ATRNL1: variants seen among roughly 807,000 people sequenced by gnomAD.
ATRNL1 encodes the protein attractin-like protein 1.
A neutral mutation model predicts 182.7 loss-of-function variants in ATRNL1; 95 were observed. That is an observed-to-expected ratio of 0.52 (90% confidence interval 0.44 to 0.62). The LOEUF is 0.62. Among genes scored for constraint, ATRNL1 ranks in the 20% least tolerant of loss-of-function variants. The pLI, the probability that ATRNL1 is intolerant of heterozygous loss-of-function variation, is 0.00. For missense variants in ATRNL1, 1,471 were observed against 1,679.5 expected, an observed-to-expected ratio of 0.88 and a Z score of 2.17; for synonymous variants, 576 against 568.3, an observed-to-expected ratio of 1.01 and a Z score of -0.19.
At chr10:115,438,673 C>A (rs1264404033) in intron 21 of ATRNL1, among the ~76,000 whole-genome samples, 1 of 151,852 alleles carries the variant, frequency 6.6e-6, no homozygotes, top group African/African-American at 2.4e-5. Context: ...TGCACTACGG[C>A]TGCTAGACCA....
intron 5 of ATRNL1, among the ~76,000 whole-genome samples, chr10:115,152,373 T>G (rs1554880901): frequency 6.6e-6 from 1 of 152,216 alleles, no homozygotes; most frequent in East Asian, 1.9e-4. Flanking sequence ...CATTTGTTTG[T>G]GTCCTCTTTT....
chr10:115,311,612 T>C (rs1451672113), intron 17 of ATRNL1, among the ~76,000 whole-genome samples: 1 of 152,210 alleles, frequency 6.6e-6, no homozygotes, highest in Admixed American at 6.5e-5. Flanking sequence ...AATGTTCTGT[T>C]AATATCTGTT....
rs1214533310 is a variant in ATRNL1 at position 115,309,730 on chromosome 10, G to GTATACAGTATAAAATTT, written c.2819-5773_2819-5772insTTTATACAGTATAAAAT. Among the ~76,000 whole-genome samples the GTATACAGTATAAAATTT allele has an allele frequency of 7.2e-5, 11 of 152,014 alleles. 1 individual carries two copies. In the South Asian group the frequency reaches 2.3e-3, roughly 32 times the overall value. On this transcript the variant is annotated intron_variant, in intron 17 of 28. Coordinates refer to ENST00000355044, the MANE Select transcript of ATRNL1 (RefSeq NM_207303.4). ...TATCAAAGTCTTTAGGGTTTTCTAGGTATACAGTATAAAATCACTTCATAG... is the reference window on the plus strand; with the variant it reads ...TATCAAAGTCTTTAGGGTTTTCTAGGTATACAGTATAAAATTTTATACAGTATAAAATCACTTCATAG...
chr10:115,304,695 T>A (rs1853640318), intron 17 of ATRNL1, among the ~76,000 whole-genome samples: 1 of 152,096 alleles, frequency 6.6e-6, no homozygotes, highest in African/African-American at 2.4e-5. Flanking sequence ...GGAAAAAAAC[T>A]GGCCTTCCCA....
intron 8 of ATRNL1, among the ~76,000 whole-genome samples, chr10:115,194,738 T>C (rs568651022): frequency 2.0e-5 from 3 of 152,106 alleles, no homozygotes; most frequent in South Asian, 4.1e-4. Flanking sequence ...TTGTTGTTTG[T>C]TTTCTGGTCA....
chr10:115,541,739 AT>A (rs1852372324), intron 25 of ATRNL1, among the ~76,000 whole-genome samples: 1 of 152,230 alleles, frequency 6.6e-6, no homozygotes, highest in South Asian at 2.1e-4. Flanking sequence ...AACAAAAAAA[AT>A]ACTATAGTGT....
At chr10:115,885,300 T>G (rs17093701) in intron 28 of ATRNL1, among the ~76,000 whole-genome samples, 3,709 of 152,320 alleles carry the variant, frequency 0.024, 137 homozygotes, top group African/African-American at 0.083. Context: ...TGTTAGCTCC[T>G]TGAAGGTGGG....
intron 7 of ATRNL1, among the ~76,000 whole-genome samples, chr10:115,166,367 G>C (rs1847040915): frequency 6.6e-6 from 1 of 151,816 alleles, no homozygotes; most frequent in African/African-American, 2.4e-5. Context: ...CTATGAACAT[G>C]TGTGTACAAC....
At chr10:115,209,678 A>G (rs1848945554) in intron 8 of ATRNL1, among the ~76,000 whole-genome samples, 1 of 151,868 alleles carries the variant, frequency 6.6e-6, no homozygotes, top group South Asian at 2.1e-4. Context: ...CCAAATTGAA[A>G]AAAAATTCAC....
intron 26 of ATRNL1, among the ~76,000 whole-genome samples, chr10:115,676,406 T>A (rs2133939874): frequency 6.6e-6 from 1 of 152,216 alleles, no homozygotes; most frequent in Non-Finnish European, 1.5e-5. Flanking sequence ...AATACATGTC[T>A]TATATGCAAA....
intron 5 of ATRNL1, among the ~76,000 whole-genome samples, chr10:115,149,143 C>G (rs922670097): frequency 5.3e-5 from 8 of 152,068 alleles, no homozygotes; most frequent in Non-Finnish European, 7.3e-5. Flanking sequence ...AAGAGGCTGG[C>G]CATCCCACCC....
At position 115,161,420 on chromosome 10, in the gene ATRNL1, A is replaced by T. The variant is rs1846777195; in HGVS notation, c.1004+1206A>T. On this transcript the variant is annotated intron_variant, in intron 6 of 28. Coordinates refer to ENST00000355044, the MANE Select transcript of ATRNL1 (RefSeq NM_207303.4). Reference sequence around the variant, plus strand: ...AAGATAAAAACCTGGAGAAATAATGATATTTAAATGTGAAAATTAAAAGGA... The same window carrying T: ...AAGATAAAAACCTGGAGAAATAATGTTATTTAAATGTGAAAATTAAAAGGA... Among the ~76,000 whole-genome samples, 4 of 152,020 alleles carry T rather than the reference A, an allele frequency of 2.6e-5. No homozygotes were observed. The South Asian group carries it at 6.2e-4, about 24-fold the overall frequency.
At chr10:115,887,829 C>T (rs1951986054) in intron 28 of ATRNL1, among the ~76,000 whole-genome samples, 1 of 152,012 alleles carries the variant, frequency 6.6e-6, no homozygotes. Flanking sequence ...TATTTTTTCA[C>T]TCTCTCTCCA....
At chr10:115,561,018 T>C (rs1853672447) in intron 26 of ATRNL1, among the ~76,000 whole-genome samples, 2 of 152,120 alleles carry the variant, frequency 1.3e-5, no homozygotes, top group Non-Finnish European at 1.5e-5. Flanking sequence ...TAGGAATCGA[T>C]ACACCAATAT....
chr10:115,450,781 A>C (rs1300571646), intron 21 of ATRNL1, among the ~76,000 whole-genome samples: 3 of 152,180 alleles, frequency 2.0e-5, no homozygotes, highest in Non-Finnish European at 4.4e-5. Context: ...ACTATTTTAA[A>C]CTTCATATGG....
intron 27 of ATRNL1, among the ~76,000 whole-genome samples, chr10:115,739,217 G>T (rs1555067003): frequency 6.6e-6 from 1 of 152,078 alleles, no homozygotes; most frequent in African/African-American, 2.4e-5. Flanking sequence ...ATTCATACTG[G>T]CTGCCATTCA....
intron 20 of ATRNL1, among the ~76,000 whole-genome samples, chr10:115,413,318 T>C (rs1193612872): frequency 1.3e-5 from 2 of 152,150 alleles, no homozygotes; most frequent in African/African-American, 4.8e-5. Context: ...TTCTCTTTTG[T>C]CTTTTTTAAG....
chr10:115,386,101 G>A lies in ATRNL1; in HGVS notation c.3176-8558G>A, dbSNP rs782701184. On this transcript the variant is annotated intron_variant, in intron 19 of 28. Transcript: ENST00000355044. ...AAGTCTCTACAAAAATAGCCGGCTG[G>A]AATTGTATTGAAATTTTATAAAATT... Among the ~76,000 whole-genome samples the A allele has an allele frequency of 7.8e-4, 118 of 152,152 alleles. 1 individual carries two copies. The highest frequency in any genetic ancestry group is 4.0e-3 in the Admixed American group (61 of 15,288).
At chr10:115,110,223 C>T (rs1844199380) in intron 1 of ATRNL1, among the ~76,000 whole-genome samples, 1 of 152,052 alleles carries the variant, frequency 6.6e-6, no homozygotes, top group African/African-American at 2.4e-5. Flanking sequence ...TATGTTATGT[C>T]ATTTGTCAAG....
Sources: allele counts gnomAD v4.1 joint callset (sites outside exome capture counted in the v4.1 genomes callset), GRCh38; gene constraint gnomAD v4.1.1; transcripts MANE v1.5; gene names NCBI Gene and HGNC (gene_info 2026-07-23, HGNC 2026-07-21).